The following HMCN2 variants were observed in gnomAD, a reference collection of about 807,000 sequenced individuals.
HMCN2 encodes the protein hemicentin 2.
Under a neutral mutation model 377.5 loss-of-function variants are expected in HMCN2, and 325 were observed. The ratio of observed to expected loss-of-function variants is 0.86; its 90% confidence interval spans 0.79 to 0.94. The LOEUF is 0.94. Among genes scored for constraint, HMCN2 ranks in the 40% least tolerant of loss-of-function variants. HMCN2 has a pLI of 0.00. For missense variants in HMCN2, 4,543 were observed against 4,725.3 expected, an observed-to-expected ratio of 0.96 and a Z score of 1.13; for synonymous variants, 2,007 against 2,046.8, an observed-to-expected ratio of 0.98 and a Z score of 0.53.
At chr9:130,355,124 G>C in intron 32 of HMCN2, 80 bp downstream of exon 32, 1 of 1,138,008 alleles carries the variant, frequency 8.8e-7, no homozygotes, top group Non-Finnish European at 1.1e-6. Context: ...TCCCGAGAGA[G>C]CTCCTGGAGT....
chr9:130,295,541 C>T, intron 5 of HMCN2, 125 bp from the exon 6 acceptor site: 1 of 347,208 alleles, frequency 2.9e-6, no homozygotes, highest in Non-Finnish European at 5.8e-6. Flanking sequence ...ACCACCAAGA[C>T]CCCTTGTCAC....
Position 130,384,446 on chromosome 9 carries a change from C to T in HMCN2, c.8904C>T (p.Cys2968=), listed in dbSNP as rs752966379. The stretch of plus-strand genomic sequence containing the variant: ...TCAACAGCAGCGTCTCCCTCCCTTG[C>T]GACGTCCACGCTCACCCAAACCCCG... The part of the protein sequence containing the change: ...AILNSSVSLP[C]DVHAHPNPEV... The change falls in exon 58 of 98, where the codon TGC becomes TGT. Residue 2968 remains cysteine, a synonymous_variant. Transcript: ENST00000683500. The T allele has an allele frequency of 5.4e-6, 7 of 1,304,124 alleles. No homozygotes were observed. The highest frequency in any genetic ancestry group is 3.0e-5 in the African/African-American group (2 of 65,974). 80.8% of individuals were successfully genotyped at this position (1,304,124 alleles called of 1,614,324 possible).
intron 70 of HMCN2, 26 bp downstream of exon 70, chr9:130,395,134 CAGGG>C: frequency 2.2e-6 from 2 of 906,310 alleles, no homozygotes; most frequent in South Asian, 4.5e-5. Flanking sequence ...GGGGTGGGGG[CAGGG>C]CCGGGAGGCA....
At chr9:130,285,357 G>A (rs782587425) in intron 3 of HMCN2, 41 bp downstream of exon 3, 3 of 467,344 alleles carry the variant, frequency 6.4e-6, no homozygotes, top group Non-Finnish European at 1.3e-5. Context: ...GGGGTCCCCC[G>A]GGGGTCCCGA....
In HMCN2 at chr9:130,362,116, G is replaced by C. The variant is rs1158364374; in HGVS notation, c.6059G>C (p.Trp2020Ser). The change falls in exon 39 of 98, where the codon TGG (tryptophan) becomes TCG (serine). Residue 2020 changes from tryptophan to serine, a missense_variant. Transcript: ENST00000683500. ...GGTGCCCCCAGCCCCACACTGATGT[G>C]GCTGAAGGATGGAAACCCTGTGTCC... Reference protein sequence around the residue: ...ATGAPSPTLMWLKDGNPVSPA... With the variant: ...ATGAPSPTLMSLKDGNPVSPA... 1 of 985,878 alleles carries C rather than the reference G, an allele frequency of 1.0e-6. No individual in the cohort carries two copies. The highest frequency in any genetic ancestry group is 1.2e-6 in the Non-Finnish European group (1 of 830,016). The allele number at this position is 985,878 out of a possible 1,614,324, so 61.1% of individuals were successfully genotyped here.
intron 22 of HMCN2, among the ~76,000 whole-genome samples, chr9:130,329,744 T>C (rs1461005520): frequency 6.6e-6 from 1 of 152,124 alleles, no homozygotes; most frequent in African/African-American, 2.4e-5. Flanking sequence ...TGCCTGGCCA[T>C]AGCCTCACTT....
Position 130,393,969 on chromosome 9 carries a change from G to A in HMCN2, c.10462G>A (p.Ala3488Thr), listed in dbSNP as rs923875715. ...GTYSCVAVSEAGEARRHFQLT... is the reference protein window; with the variant it reads ...GTYSCVAVSETGEARRHFQLT... ...CTACTCCTGTGTGGCCGTGAGCGAG[G>A]CGGGGGAAGCCAGGAGGCATTTCCA... The change falls in exon 68 of 98, where the codon GCG (alanine) becomes ACG (threonine). Residue 3488 changes from alanine to threonine, a missense_variant. By Grantham distance (58) the Ala-to-Thr change is moderately conservative. This residue lies in a region of HMCN2 where 1,073 missense variants were observed against 1,319.5 expected (regional missense o/e 0.81). Transcript: ENST00000683500. The surrounding 1 kb of genome is among the most constrained non-coding windows in gnomAD (Gnocchi z 5.2). The A allele has an allele frequency of 9.4e-6, 12 of 1,281,368 alleles. No individual in the cohort carries two copies. In the East Asian group the frequency reaches 5.6e-4, roughly 60 times the overall value. The allele number at this position is 1,281,368 out of a possible 1,614,324, so 79.4% of individuals were successfully genotyped here. A position where few individuals can be genotyped will look rare whatever the true frequency, so the allele number is the denominator to read the frequency against.
intron 15 of HMCN2, among the ~76,000 whole-genome samples, chr9:130,316,778 G>A (rs1837583879): frequency 1.3e-5 from 2 of 152,238 alleles, no homozygotes; most frequent in African/African-American, 4.8e-5. Context: ...TCACCTGGGA[G>A]TCTGTGTGAG....
chr9:130,390,900 C>G, intron 62 of HMCN2, 77 bp from the exon 63 acceptor site: 1 of 953,690 alleles, frequency 1.0e-6, no homozygotes, highest in Non-Finnish European at 1.2e-6. Context: ...AAGAAGGCGC[C>G]TCTGCCTCTG....
In HMCN2 at chr9:130,395,290, G is replaced by A. The variant is rs768918446; in HGVS notation, c.10854G>A (p.Ser3618=). The A allele has an allele frequency of 2.0e-5, 26 of 1,289,426 alleles. No individual in the cohort carries two copies. The highest frequency in any genetic ancestry group is 6.1e-5 in the African/African-American group (4 of 65,824). The allele number at this position is 1,289,426 out of a possible 1,614,324, so 79.9% of individuals were successfully genotyped here. The change falls in exon 71 of 98, where the codon TCG becomes TCA. Residue 3618 remains serine, a synonymous_variant. Transcript: ENST00000683500. The stretch of plus-strand genomic sequence containing the variant: ...CAGGGCAGCTGGTCCTGGAGTGTTC[G>A]GTGGAGGCAGAGCCAGCGCCCAAGA... ...LAPGQLVLEC[S]VEAEPAPKIT...
chr9:130,316,292 T>G (rs1837557491), intron 15 of HMCN2, among the ~76,000 whole-genome samples: 2 of 149,882 alleles, frequency 1.3e-5, no homozygotes, highest in East Asian at 2.0e-4. Flanking sequence ...GGCTGGGGAG[T>G]TGTGGAGGTG....
intron 77 of HMCN2, among the ~76,000 whole-genome samples, 156 bp from the exon 78 acceptor site, chr9:130,402,633 C>T (rs764658231): frequency 1.3e-5 from 2 of 152,204 alleles, no homozygotes; most frequent in Non-Finnish European, 1.5e-5. Flanking sequence ...ACCTAGATGT[C>T]AGGTTCCCAT....
At chr9:130,364,031 A>G (rs1442611038) in intron 40 of HMCN2, among the ~76,000 whole-genome samples, 1 of 152,166 alleles carries the variant, frequency 6.6e-6, no homozygotes, top group Non-Finnish European at 1.5e-5. Flanking sequence ...AAACGAATGA[A>G]CGTAGTCTTG....
chr9:130,353,381 C>T (rs2131532387), intron 31 of HMCN2, among the ~76,000 whole-genome samples, 176 bp downstream of exon 31: 1 of 152,292 alleles, frequency 6.6e-6, no homozygotes, highest in Non-Finnish European at 1.5e-5. Context: ...ATGTGACTTC[C>T]CTCATACCTG....
intron 89 of HMCN2, 24 bp downstream of exon 89, chr9:130,425,154 T>C: frequency 6.5e-7 from 1 of 1,530,642 alleles, no homozygotes; most frequent in Non-Finnish European, 8.8e-7. Context: ...CCCTGGGGTG[T>C]GCAGACAGGG....
chr9:130,277,832 C>T (rs1395755864), intron 1 of HMCN2, among the ~76,000 whole-genome samples: 2 of 22,132 alleles, frequency 9.0e-5, no homozygotes, highest in African/African-American at 1.7e-4. Context: ...ATCACCACCA[C>T]CATCATCATC....
chr9:130,286,279 T>C lies in HMCN2; in HGVS notation c.581T>C (p.Val194Ala), dbSNP rs951475777. The C allele has an allele frequency of 1.9e-5, 9 of 470,988 alleles. No homozygotes were observed. In the Admixed American group the frequency reaches 2.1e-4, roughly 11 times the overall value. The allele number at this position is 470,988 out of a possible 1,614,324, so 29.2% of individuals were successfully genotyped here. A position where few individuals can be genotyped will look rare whatever the true frequency, so the allele number is the denominator to read the frequency against. The change falls in exon 4 of 98, where the codon GTG (valine) becomes GCG (alanine). Residue 194 changes from valine (V) to alanine (A), a missense_variant. Transcript: ENST00000683500. Reference sequence around the variant, plus strand: ...ATCGCTGCCACCAGCTCTGGGCAGGTGTTCCACCTGGACAAGCAGCAAGTG... The same window carrying C: ...ATCGCTGCCACCAGCTCTGGGCAGGCGTTCCACCTGGACAAGCAGCAAGTG... Reference protein sequence around the residue: ...EEIAATSSGQVFHLDKQQVTE... With the variant: ...EEIAATSSGQAFHLDKQQVTE...
intron 23 of HMCN2, chr9:130,338,322 CAG>C (rs1838866372): frequency 6.6e-6 from 1 of 152,556 alleles, no homozygotes; most frequent in African/African-American, 2.4e-5. Context: ...TTTGGGAGGA[CAG>C]GGGTCAGAGG....
chr9:130,393,753 C>T lies in HMCN2; in HGVS notation c.10246C>T (p.Leu3416=). Residue 3416 remains leucine, a synonymous_variant, in exon 68 of 98, where the codon CTG becomes TTG. Coordinates refer to ENST00000683500, the MANE Select transcript of HMCN2 (RefSeq NM_001291815.2). The surrounding 1 kb of genome is among the most constrained non-coding windows in gnomAD (Gnocchi z 5.2). ...TCTGCCCTCCATAGTGCCCCCTGTC[C>T]TGGAGCCGGTGGAGTTCCAGAATGA... ...FTLQVQVPPV[L]EPVEFQNDVV... The T allele has an allele frequency of 7.9e-7, 1 of 1,262,278 alleles. No individual in the cohort carries two copies. The highest frequency in any genetic ancestry group is 1.3e-5 in the South Asian group (1 of 75,610). The allele number at this position is 1,262,278 out of a possible 1,614,324, so 78.2% of individuals were successfully genotyped here. A position where few individuals can be genotyped will look rare whatever the true frequency, so the allele number is the denominator to read the frequency against.
Sources: allele counts gnomAD v4.1 joint callset (sites outside exome capture counted in the v4.1 genomes callset), GRCh38; gene constraint gnomAD v4.1.1; regional missense constraint gnomAD v4.1.1; non-coding constraint Gnocchi (gnomAD v3.1); transcripts MANE v1.5; gene names NCBI Gene and HGNC (gene_info 2026-07-23, HGNC 2026-07-21).